Variants in ABCB4 observed in about 807,000 individuals in gnomAD.
The protein encoded by ABCB4 is ATP binding cassette subfamily B member 4.
ABCB4 carries 76 observed loss-of-function variants against 145.7 expected under a neutral mutation model. That is an observed-to-expected ratio of 0.52 (90% CI 0.43 to 0.63). The LOEUF is 0.63. ABCB4 is among the 30% of genes least tolerant of loss of function. The pLI is 0.00. For missense variants in ABCB4, 1,234 were observed against 1,553.1 expected (o/e 0.79, Z 3.45); for synonymous variants, 517 against 566.8 (o/e 0.91, Z 1.25).
intron 27 of ABCB4, 69 bp from the exon 28 acceptor site, chr7:87,402,371 T>A (rs1807847542): frequency 6.4e-7 from 1 of 1,559,098 alleles, no homozygotes; most frequent in Non-Finnish European, 8.8e-7. Context: ...TCAAGTAAAT[T>A]TGAAAATGTT....
intron 3 of ABCB4, among the ~76,000 whole-genome samples, chr7:87,469,464 T>C (rs1011513551): frequency 3.9e-5 from 6 of 152,216 alleles, no homozygotes; most frequent in Admixed American, 3.3e-4. Context: ...ACTGTATATC[T>C]AGAAAACCCC....
At chr7:87,420,433 G>A (rs1446081487) in intron 18 of ABCB4, among the ~76,000 whole-genome samples, 5 of 152,116 alleles carry the variant, frequency 3.3e-5, no homozygotes, top group Admixed American at 2.0e-4. Context: ...ATTACCATAC[G>A]CTTATAAAAC....
chr7:87,449,215 C>T (rs1219602841), intron 8 of ABCB4, among the ~76,000 whole-genome samples: 1 of 152,040 alleles, frequency 6.6e-6, no homozygotes, highest in East Asian at 1.9e-4. Flanking sequence ...GGTGGGAAGC[C>T]CTGCCTCATT....
Position 87,417,380 on chromosome 7 carries a change from T to G in ABCB4, c.2614A>C (p.Ile872Leu), listed in dbSNP as rs1809053639. The change falls in exon 21 of 28, where the codon ATT (isoleucine) becomes CTT (leucine). Residue 872 changes from isoleucine to leucine, a missense_variant. By Grantham distance (5) the Ile-to-Leu change is conservative. Coordinates refer to ENST00000649586, the MANE Select transcript of ABCB4 (RefSeq NM_000443.4). Reference protein sequence around the residue: ...AVVPIIAVSGIVEMKLLAGNA... With the variant: ...AVVPIIAVSGLVEMKLLAGNA... ...CCAGCCAACAATTTCATTTCAACAA[T>G]TCCTGACACAGCAATAATTGGAACA... 6.2e-7 allele frequency: 1 copy of G among 1,614,042 alleles called. No individual in the cohort carries two copies. Among genetic ancestry groups the G allele is most frequent in the Admixed American group, 1.7e-5 (1 of 60,004 alleles).
intron 10 of ABCB4, among the ~76,000 whole-genome samples, 173 bp from the exon 11 acceptor site, chr7:87,443,946 A>G (rs1811169316): frequency 6.6e-6 from 1 of 152,204 alleles, no homozygotes; most frequent in South Asian, 2.1e-4. Context: ...GTTTAAAGAA[A>G]TACTCCTTTT....
At chr7:87,439,987 TAA>T in intron 13 of ABCB4, 150 bp from the exon 14 acceptor site, 3 of 1,267,910 alleles carry the variant, frequency 2.4e-6, no homozygotes, top group Non-Finnish European at 3.3e-6. Context: ...TTCTGAATTA[TAA>T]AAAACTGACA....
the ABCB4 span, among the ~76,000 whole-genome samples, chr7:87,390,425 TG>T: frequency 6.6e-6 from 1 of 152,216 alleles, no homozygotes; most frequent in Non-Finnish European, 1.5e-5. Context: ...ATTTTTAATT[TG>T]TTTTCCTGAA....
chr7:87,383,015 C>T, the ABCB4 span, among the ~76,000 whole-genome samples: 17 of 152,262 alleles, frequency 1.1e-4, no homozygotes, highest in Non-Finnish European at 2.2e-4. Context: ...TTATCAGGTA[C>T]ATGTGATTTT....
chr7:87,450,114 A>G (rs368328710), intron 7 of ABCB4, 22 bp from the exon 8 acceptor site: 1 of 1,613,494 alleles, frequency 6.2e-7, no homozygotes, highest in Non-Finnish European at 8.5e-7. Flanking sequence ...AGAAACAGTG[A>G]TCACTTTTGT....
At chr7:87,382,062 C>A in the ABCB4 span, 2 of 1,592,776 alleles carry the variant, frequency 1.3e-6, no homozygotes, top group South Asian at 1.1e-5. Flanking sequence ...TTTAAGTCTT[C>A]CCTATTTTCA....
the ABCB4 span, among the ~76,000 whole-genome samples, chr7:87,381,501 CA>C: frequency 1.3e-5 from 2 of 152,176 alleles, no homozygotes; most frequent in Non-Finnish European, 2.9e-5. Context: ...ATGCCCATCC[CA>C]AATGCTTTCA....
chr7:87,405,584 G>A lies in ABCB4; in HGVS notation c.3486+704C>T, dbSNP rs1055749842. Among the ~76,000 whole-genome samples, 65 of 152,128 alleles carry A rather than the reference G, an allele frequency of 4.3e-4. 1 individual carries two copies. The highest frequency in any genetic ancestry group is 3.4e-3 in the Middle Eastern group (1 of 294). ...TGCAACTACAGGTGCCCACCACGACGCCTGGTTGATTTTTGTGTTTTTAGT... is the reference window on the plus strand; with the variant it reads ...TGCAACTACAGGTGCCCACCACGACACCTGGTTGATTTTTGTGTTTTTAGT... On this transcript the variant is annotated intron_variant, in intron 26 of 27. Coordinates refer to ENST00000649586, the MANE Select transcript of ABCB4 (RefSeq NM_000443.4).
At chr7:87,459,273 T>C (rs1044038020) in intron 4 of ABCB4, among the ~76,000 whole-genome samples, 4 of 152,112 alleles carry the variant, frequency 2.6e-5, no homozygotes, top group African/African-American at 9.7e-5. Context: ...AAAATTGAAA[T>C]TCTATACCCA....
At chr7:87,392,542 A>G in the ABCB4 span, 1 of 1,593,306 alleles carries the variant, frequency 6.3e-7, no homozygotes, top group Non-Finnish European at 8.6e-7. Flanking sequence ...GTGTTATTGA[A>G]GTGTCTCTCG....
rs1554409659 is a variant in ABCB4 at position 87,451,139 on chromosome 7, A to ATGTT, written c.708+483_708+484insAACA. Among the ~76,000 whole-genome samples the ATGTT allele has an allele frequency of 5.5e-3, 802 of 145,602 alleles. 10 individuals are homozygous for ATGTT. Among genetic ancestry groups the ATGTT allele is most frequent in the African/African-American group, 0.019 (734 of 39,458 alleles). ...AGGGTAATCGAAGTAAGAACTGTGA[A>ATGTT]TTTTTTTTTTTTTTGAGATGAAGTC... On this transcript the variant is annotated intron_variant, in intron 7 of 27. Coordinates refer to ENST00000649586, the MANE Select transcript of ABCB4 (RefSeq NM_000443.4).
At chr7:87,474,248 T>C (rs1457589119) in intron 2 of ABCB4, among the ~76,000 whole-genome samples, 4 of 152,246 alleles carry the variant, frequency 2.6e-5, no homozygotes, top group East Asian at 3.8e-4. Flanking sequence ...CATCTATTAA[T>C]AGACTCACAG....
chr7:87,375,011 A>G, the ABCB4 span, among the ~76,000 whole-genome samples: 1 of 152,104 alleles, frequency 6.6e-6, no homozygotes, highest in East Asian at 1.9e-4. Context: ...CTGTATGTTT[A>G]AAGATACATG....
downstream of ABCB4, chr7:87,401,673 A>G (rs1165459066): frequency 3.9e-6 from 1 of 259,674 alleles, no homozygotes; most frequent in African/African-American, 2.3e-5. Context: ...CAATAGAATG[A>G]TTTAGAAAAT....
chr7:87,386,352 G>C, the ABCB4 span, among the ~76,000 whole-genome samples: 1 of 152,018 alleles, frequency 6.6e-6, no homozygotes, highest in Non-Finnish European at 1.5e-5. Context: ...CTTGTTATTG[G>C]TCTGTTTGGG....
Sources: gnomAD v4.1 joint callset for allele counts (sites outside exome capture counted in the v4.1 genomes callset) on GRCh38, gnomAD v4.1.1 for gene constraint, MANE v1.5 for transcripts, NCBI Gene and HGNC (gene_info 2026-07-23, HGNC 2026-07-21) for gene names.